NTM: variants seen among roughly 807,000 people sequenced by gnomAD.
NTM encodes neurotrimin, also known as IgLON family member 2.
Under a neutral mutation model 42.1 loss-of-function variants are expected in NTM, and 13 were observed. The observed-to-expected ratio is 0.31, with a 90% confidence interval of 0.20 to 0.49. The LOEUF (loss-of-function observed/expected upper bound fraction) is 0.49, where lower values mean the gene tolerates loss of function less well. Ranked by LOEUF, NTM falls within the 20% of genes least tolerant of loss-of-function variation. NTM has a pLI of 0.99. For missense variants in NTM, 373 were observed against 452.8 expected, an observed-to-expected ratio of 0.82 and a Z score of 1.60; for synonymous variants, 187 against 179.2, an observed-to-expected ratio of 1.04 and a Z score of -0.35.
chr11:131,420,296 G>A (rs1169515025), intron 1 of NTM, among the ~76,000 whole-genome samples: 1 of 152,108 alleles, frequency 6.6e-6, no homozygotes, highest in Non-Finnish European at 1.5e-5. Flanking sequence ...AAAGAGGTTG[G>A]ACAGCTGCTA....
At position 132,002,978 on chromosome 11, in the gene NTM, A is replaced by G. The variant is rs2069681631; in HGVS notation, c.167+91330A>G. 6.6e-6 allele frequency among the ~76,000 whole-genome samples: 1 copy of G among 152,086 alleles called. No individual in the cohort carries two copies. The highest frequency in any genetic ancestry group is 2.4e-5 in the African/African-American group (1 of 41,330). On this transcript the variant is annotated intron_variant, in intron 2 of 8. Transcript: ENST00000683400. The surrounding 1 kb of genome is among the most constrained non-coding windows in gnomAD (Gnocchi z 4.5). ...AAACCTTTGTCTTCAAGAAGCTTTT[A>G]CTGTCCGCCTGTCAAAGTTCCTGAG...
At chr11:131,394,806 A>AT (rs1463331755) in intron 1 of NTM, among the ~76,000 whole-genome samples, 2 of 152,160 alleles carry the variant, frequency 1.3e-5, no homozygotes, top group Admixed American at 1.3e-4. Flanking sequence ...TTAATCATGG[A>AT]TAAGTTGGTC....
chr11:131,579,995 G>C (rs1329548526), intron 1 of NTM, among the ~76,000 whole-genome samples: 1 of 152,182 alleles, frequency 6.6e-6, no homozygotes, highest in African/African-American at 2.4e-5. Flanking sequence ...GAAGCAAGCT[G>C]TAGTTCTCTG....
chr11:131,688,387 T>A (rs957341568), intron 1 of NTM, among the ~76,000 whole-genome samples: 2 of 152,222 alleles, frequency 1.3e-5, no homozygotes, highest in Non-Finnish European at 2.9e-5. Context: ...AAAACCTTGT[T>A]AATGGTTACT....
In NTM at chr11:131,537,525, GCT is replaced by G. The variant is rs1216683463; in HGVS notation, c.82+166640_82+166641del. On this transcript the variant is annotated intron_variant, in intron 1 of 8. Coordinates refer to ENST00000683400, the MANE Select transcript of NTM (RefSeq NM_001352005.2). ...GGCTTCTGAAGATCAGCTTCAAAAGGCTCTTATTACTTAAGGTCCTTCCTGGG... is the reference window on the plus strand; with the variant it reads ...GGCTTCTGAAGATCAGCTTCAAAAGGCTTATTACTTAAGGTCCTTCCTGGG... 9.8e-5 allele frequency: 15 copies of G among 152,300 alleles called. No homozygotes were observed. The East Asian group carries it at 2.9e-3, about 29-fold the overall frequency. 9.4% of individuals were successfully genotyped at this position (152,300 alleles called of 1,614,324 possible).
intron 1 of NTM, among the ~76,000 whole-genome samples, chr11:131,542,845 C>T (rs746873018): frequency 1.3e-5 from 2 of 152,182 alleles, no homozygotes; most frequent in Non-Finnish European, 2.9e-5. Context: ...CTTTGTCCCA[C>T]GTGAGAGTCG....
chr11:132,043,368 A>T (rs1026237341), intron 2 of NTM, among the ~76,000 whole-genome samples: 1 of 152,238 alleles, frequency 6.6e-6, no homozygotes, highest in African/African-American at 2.4e-5. Flanking sequence ...AACAAAGGCC[A>T]CTTTAACAAA....
intron 2 of NTM, among the ~76,000 whole-genome samples, chr11:132,106,245 G>T (rs918164958): frequency 7.2e-5 from 11 of 152,190 alleles, no homozygotes; most frequent in African/African-American, 1.7e-4. Context: ...AGGGAAAGGG[G>T]AGTGATACCA....
chr11:132,209,231 C>T (rs1264082676), intron 3 of NTM, among the ~76,000 whole-genome samples: 1 of 152,220 alleles, frequency 6.6e-6, no homozygotes, highest in Non-Finnish European at 1.5e-5. Flanking sequence ...ACCTTTCTGT[C>T]CTGGAAGGCT....
chr11:131,529,596 C>T (rs983355116), intron 1 of NTM, among the ~76,000 whole-genome samples: 1 of 152,142 alleles, frequency 6.6e-6, no homozygotes, highest in Non-Finnish European at 1.5e-5. Flanking sequence ...ACTCCAGAGA[C>T]TTTAACACGC....
chr11:132,292,183 T>A (rs1335613508), intron 4 of NTM, among the ~76,000 whole-genome samples: 8 of 152,170 alleles, frequency 5.3e-5, no homozygotes, highest in Non-Finnish European at 1.0e-4. Flanking sequence ...GAATTGGTTT[T>A]TTGATAGCGG....
chr11:131,809,418 A>T lies in NTM; in HGVS notation c.83-102146A>T, dbSNP rs142990796. Among the ~76,000 whole-genome samples, 542 of 152,290 alleles carry T rather than the reference A, an allele frequency of 3.6e-3. 8 individuals are homozygous for T. Among genetic ancestry groups the T allele is most frequent in the Middle Eastern group, 6.8e-3 (2 of 294 alleles). ...TCCCTGTCCCAAGGGATTTGCTGGC[A>T]TCAGTCCCTGGCCATGCCTCATGGA... On this transcript the variant is annotated intron_variant, in intron 1 of 8. Transcript: ENST00000683400.
At chr11:131,919,216 C>T (rs1436891062) in intron 2 of NTM, among the ~76,000 whole-genome samples, 1 of 151,746 alleles carries the variant, frequency 6.6e-6, no homozygotes, top group Non-Finnish European at 1.5e-5. Flanking sequence ...GGTTGAAAGT[C>T]TCCACTGATG....
intron 2 of NTM, among the ~76,000 whole-genome samples, chr11:132,018,459 A>G (rs2073797977): frequency 6.6e-6 from 1 of 151,934 alleles, no homozygotes. Flanking sequence ...TAAATTTTTA[A>G]AAATGTTTTT....
At chr11:131,953,737 AAAG>A (rs2061272455) in intron 2 of NTM, among the ~76,000 whole-genome samples, 1 of 151,968 alleles carries the variant, frequency 6.6e-6, no homozygotes, top group African/African-American at 2.4e-5. Flanking sequence ...TTCTAATGAA[AAAG>A]AAGGAGTAAA....
At chr11:131,805,523 T>C (rs985003765) in intron 1 of NTM, among the ~76,000 whole-genome samples, 3 of 152,212 alleles carry the variant, frequency 2.0e-5, no homozygotes, top group Non-Finnish European at 4.4e-5. Context: ...TTTTAAAGCT[T>C]TATTCCTTAA....
intron 1 of NTM, among the ~76,000 whole-genome samples, chr11:131,562,377 G>T (rs2056347926): frequency 6.6e-6 from 1 of 152,214 alleles, no homozygotes; most frequent in Non-Finnish European, 1.5e-5. Context: ...ATAATCTCAT[G>T]AGGAAATATC....
At chr11:132,195,107 G>C (rs1314694933) in intron 3 of NTM, among the ~76,000 whole-genome samples, 3 of 152,072 alleles carry the variant, frequency 2.0e-5, no homozygotes, top group Middle Eastern at 3.4e-3. Flanking sequence ...ACAAGTGTGA[G>C]CCACTGCACC....
chr11:131,715,323 C>A (rs2077578430), intron 1 of NTM, among the ~76,000 whole-genome samples: 1 of 152,098 alleles, frequency 6.6e-6, no homozygotes, highest in South Asian at 2.1e-4. Flanking sequence ...GCAATACTTC[C>A]CAAAGGCAAG....
Sources: gnomAD v4.1 joint callset for allele counts (sites outside exome capture counted in the v4.1 genomes callset) on GRCh38, gnomAD v4.1.1 for gene constraint, Gnocchi (gnomAD v3.1) non-coding constraint, MANE v1.5 for transcripts, NCBI Gene and HGNC (gene_info 2026-07-23, HGNC 2026-07-21) for gene names.